SMIM31: variants seen among roughly 807,000 people sequenced by gnomAD.
SMIM31 encodes the protein human epithelial cell program regulator.
chr4:164,767,388 G>C (rs918418060), intron 1 of SMIM31, among the ~76,000 whole-genome samples: 2 of 152,150 alleles, frequency 1.3e-5, no homozygotes, highest in Non-Finnish European at 2.9e-5. Context: ...GATAAAAGGA[G>C]TTACGTTAAT....
chr4:164,786,049 T>C (rs1733022074), intron 2 of SMIM31, among the ~76,000 whole-genome samples: 1 of 152,140 alleles, frequency 6.6e-6, no homozygotes, highest in South Asian at 2.1e-4. Context: ...TAAGAAAGCA[T>C]GTAAAATAAA....
intron 1 of SMIM31, among the ~76,000 whole-genome samples, chr4:164,769,848 G>T (rs1260229717): frequency 6.6e-6 from 1 of 152,082 alleles, no homozygotes; most frequent in African/African-American, 2.4e-5. Context: ...TTGGTTGGTT[G>T]GTTAGTTGGT....
chr4:164,764,712 G>A (rs150099534), intron 1 of SMIM31, among the ~76,000 whole-genome samples: 97 of 152,180 alleles, frequency 6.4e-4, no homozygotes, highest in African/African-American at 2.3e-3. Flanking sequence ...GAAATCAAAA[G>A]GGACAAAGGA....
intron 2 of SMIM31, among the ~76,000 whole-genome samples, chr4:164,798,401 T>C (rs1414902126): frequency 6.6e-6 from 1 of 151,498 alleles, no homozygotes; most frequent in Non-Finnish European, 1.5e-5. Context: ...GCCCAGTTAA[T>C]ATTTTGTATT....
intron 2 of SMIM31, among the ~76,000 whole-genome samples, chr4:164,783,549 G>A (rs78880386): frequency 0.14 from 19,132 of 132,506 alleles, 1,636 homozygotes; most frequent in African/African-American, 0.27. Context: ...AAAAAAAAAA[G>A]GAATTTCCAT....
intron 1 of SMIM31, among the ~76,000 whole-genome samples, chr4:164,757,267 T>C (rs1732574432): frequency 6.6e-6 from 1 of 152,212 alleles, no homozygotes; most frequent in African/African-American, 2.4e-5. Flanking sequence ...ACTTGGATTG[T>C]CTTTTTGTTA....
intron 2 of SMIM31, among the ~76,000 whole-genome samples, chr4:164,777,316 A>AT (rs1253836329): frequency 3.3e-5 from 5 of 152,184 alleles, no homozygotes; most frequent in East Asian, 1.9e-4. Context: ...GTATATTTCC[A>AT]TTTTTTGTGT....
chr4:164,762,752 A>G (rs1732669408), intron 1 of SMIM31, among the ~76,000 whole-genome samples: 1 of 152,128 alleles, frequency 6.6e-6, no homozygotes, highest in African/African-American at 2.4e-5. Flanking sequence ...GCTATAAAAC[A>G]ATGTACAGAA....
At chr4:164,782,649 T>C (rs2110947293) in intron 2 of SMIM31, among the ~76,000 whole-genome samples, 1 of 150,074 alleles carries the variant, frequency 6.7e-6, no homozygotes, top group African/African-American at 2.5e-5. Context: ...TTAAGTGATA[T>C]AAACATCATA....
chr4:164,768,570 T>G (rs1370576436), intron 1 of SMIM31, among the ~76,000 whole-genome samples: 1 of 152,162 alleles, frequency 6.6e-6, no homozygotes, highest in Non-Finnish European at 1.5e-5. Context: ...TAAAATCTGT[T>G]GATATTCTAG....
At chr4:164,765,261 G>A (rs1045364164) in intron 1 of SMIM31, among the ~76,000 whole-genome samples, 1 of 152,172 alleles carries the variant, frequency 6.6e-6, no homozygotes, top group Non-Finnish European at 1.5e-5. Flanking sequence ...ATGTCAAGTA[G>A]GAACAGCATT....
At chr4:164,762,235 CA>C (rs5863718) in intron 1 of SMIM31, among the ~76,000 whole-genome samples, 71,398 of 151,872 alleles carry the variant, frequency 0.47, 17,610 homozygotes, top group Admixed American at 0.55. Context: ...CAAGCATGGG[CA>C]AAAACAGAAT....
intron 1 of SMIM31, among the ~76,000 whole-genome samples, chr4:164,764,350 T>C (rs1732691655): frequency 6.6e-6 from 1 of 151,978 alleles, no homozygotes; most frequent in African/African-American, 2.4e-5. Context: ...GGGCAGATCA[T>C]GAGGTCAAGA....
At chr4:164,789,328 C>A (rs1198185911) in intron 2 of SMIM31, among the ~76,000 whole-genome samples, 5 of 152,064 alleles carry the variant, frequency 3.3e-5, no homozygotes, top group Non-Finnish European at 5.9e-5. Context: ...CAGGCAAAGA[C>A]CTCAGTCTCT....
At chr4:164,770,624 C>T in intron 2 of SMIM31, 69 bp downstream of exon 2, 1 of 398,126 alleles carries the variant, frequency 2.5e-6, no homozygotes. Flanking sequence ...ATCATCTTGC[C>T]ATGTGTTGGG....
intron 2 of SMIM31, among the ~76,000 whole-genome samples, chr4:164,792,715 G>T (rs1011879740): frequency 6.6e-6 from 1 of 152,098 alleles, no homozygotes; most frequent in Admixed American, 6.5e-5. Flanking sequence ...GTTTTCTACA[G>T]ATTCACCAAA....
chr4:164,772,979 A>G (rs985267490), intron 2 of SMIM31, among the ~76,000 whole-genome samples: 1 of 144,628 alleles, frequency 6.9e-6, no homozygotes, highest in Non-Finnish European at 1.5e-5. Context: ...TGGAGTGTGC[A>G]TAACCAGCAC....
chr4:164,794,873 G>A (rs1733168600), intron 2 of SMIM31, among the ~76,000 whole-genome samples: 2 of 151,436 alleles, frequency 1.3e-5, no homozygotes, highest in South Asian at 4.2e-4. Context: ...GAGATACACA[G>A]AGAGGAAGAG....
At chr4:164,774,491 C>T (rs1291152199) in intron 2 of SMIM31, among the ~76,000 whole-genome samples, 1 of 152,046 alleles carries the variant, frequency 6.6e-6, no homozygotes, top group Non-Finnish European at 1.5e-5. Context: ...GAAGTGAATG[C>T]CAAAGAAGTG....
Sources: gnomAD v4.1 joint callset for allele counts (sites outside exome capture counted in the v4.1 genomes callset) on GRCh38, gnomAD v4.1.1 for gene constraint, MANE v1.5 for transcripts, NCBI Gene and HGNC (gene_info 2026-07-23, HGNC 2026-07-21) for gene names.